Variants in ZNF783 observed in about 807,000 individuals in gnomAD.
ZNF783 encodes protein ZNF783.
ZNF783 carries 25 observed loss-of-function variants against 31.3 expected under a neutral mutation model. The observed-to-expected ratio is 0.80, with a 90% CI of 0.58 to 1.11. The LOEUF (loss-of-function observed/expected upper bound fraction) is 1.11, where lower values mean the gene tolerates loss of function less well. Among genes scored for constraint, ZNF783 ranks in the 50% most tolerant of loss-of-function variants. The pLI is 0.00. For missense variants in ZNF783, 797 were observed against 760.0 expected (o/e 1.05, Z -0.57); for synonymous variants, 369 against 319.1 (o/e 1.16, Z -1.66).
intron 5 of ZNF783, among the ~76,000 whole-genome samples, chr7:149,280,820 C>T (rs1267739732): frequency 1.3e-5 from 2 of 152,354 alleles, no homozygotes; most frequent in Admixed American, 1.3e-4. Context: ...CAGCACATTG[C>T]TGTGATCACC....
chr7:149,271,783 T>C lies in ZNF783; in HGVS notation c.673+4561T>C, dbSNP rs192533244. Reference sequence around the variant, plus strand: ...TGTTTCAATAACACAGAGATATATTTGTATTCCCACCCCTGTCTTATTCAG... The same window carrying C: ...TGTTTCAATAACACAGAGATATATTCGTATTCCCACCCCTGTCTTATTCAG... On this transcript the variant is annotated intron_variant, in intron 4 of 5. Transcript: ENST00000434415. Among the ~76,000 whole-genome samples, 93 of 152,354 alleles carry C rather than the reference T, an allele frequency of 6.1e-4. 1 individual carries two copies. Among genetic ancestry groups the C allele is most frequent in the African/African-American group, 2.2e-3 (93 of 41,580 alleles).
chr7:149,278,263 C>T, intron 4 of ZNF783, 136 bp from the exon 5 acceptor site: 3 of 1,458,210 alleles, frequency 2.1e-6, no homozygotes, highest in Non-Finnish European at 2.7e-6. Flanking sequence ...TTGGTGGGGT[C>T]CACCTCACTA....
rs1292989946 is a variant in ZNF783 at position 149,263,290 on chromosome 7, GTGTGTGTGTGTGTGTATATA to G, written c.24+935_24+954del. Among the ~76,000 whole-genome samples, 266 of 85,100 alleles carry G rather than the reference GTGTGTGTGTGTGTGTATATA, an allele frequency of 3.1e-3. 3 individuals carry two copies. Among genetic ancestry groups the G allele is most frequent in the South Asian group, 0.018 (43 of 2,328 alleles). The allele number at this position is 85,100 out of a possible 152,430, so 55.8% of individuals were successfully genotyped here. On this transcript the variant is annotated intron_variant, in intron 1 of 5. Transcript: ENST00000434415. ...CGTGTGTGTGTGTGTGTGTGTGTGTGTGTGTGTGTGTGTGTATATATATATATATATATATTTTTTTTTTA... is the reference window on the plus strand; with the variant it reads ...CGTGTGTGTGTGTGTGTGTGTGTGTGTATATATATATATATTTTTTTTTTA...
At position 149,282,199 on chromosome 7, in the gene ZNF783, T is replaced by A; in HGVS notation, c.1497T>A (p.Cys499Ter). The A allele has an allele frequency of 6.3e-7, 1 of 1,599,888 alleles. No individual in the cohort carries two copies. ...TGERPYQCPQCGRTFNRNHHL... is the reference protein window; with the variant it reads ...TGERPYQCPQ ...AGCGGCCCTACCAGTGCCCCCAGTG[T>A]GGCCGGACCTTCAACCGCAACCACC... The change falls in exon 6 of 6, where the codon TGT (cysteine) becomes TGA (stop). Residue 499 changes from cysteine to a stop codon, truncating the protein, a stop_gained. Transcript: ENST00000434415. LOFTEE classifies it low-confidence loss of function (END_TRUNC).
At chr7:149,270,565 T>G (rs1173451310) in intron 4 of ZNF783, among the ~76,000 whole-genome samples, 1 of 152,242 alleles carries the variant, frequency 6.6e-6, no homozygotes, top group Non-Finnish European at 1.5e-5. Context: ...TAAGTTATTG[T>G]GACTTCACAG....
Position 149,266,846 on chromosome 7 carries a change from G to T in ZNF783, c.448G>T (p.Val150Leu). 1.2e-6 allele frequency: 2 copies of T among 1,614,064 alleles called. No individual in the cohort carries two copies. The highest frequency in any genetic ancestry group is 1.6e-4 in the Middle Eastern group (1 of 6,062). The change falls in exon 3 of 6, where the codon GTG (valine) becomes TTG (leucine). Residue 150 changes from valine (V) to leucine (L), a missense_variant. By Grantham distance (32) the Val-to-Leu change is conservative (BLOSUM62 1). Transcript: ENST00000434415. Reference protein sequence around the residue: ...KVPVTFDDVAVYFSELEWGKL... With the variant: ...KVPVTFDDVALYFSELEWGKL... ...GCCCGTGACCTTCGATGATGTGGCCGTGTATTTCTCTGAGCTGGAGTGGGG... is the reference window on the plus strand; with the variant it reads ...GCCCGTGACCTTCGATGATGTGGCCTTGTATTTCTCTGAGCTGGAGTGGGG...
intron 1 of ZNF783, among the ~76,000 whole-genome samples, chr7:149,263,265 CGTGTGTGT>C (rs56067256): frequency 0.044 from 5,314 of 121,282 alleles, 242 homozygotes; most frequent in African/African-American, 0.13. Flanking sequence ...TATATATATA[CGTGTGTGT>C]GTGTGTGTGT....
intron 1 of ZNF783, among the ~76,000 whole-genome samples, chr7:149,265,004 G>A (rs1307798059): frequency 2.0e-5 from 3 of 151,988 alleles, no homozygotes; most frequent in Non-Finnish European, 4.4e-5. Context: ...TGGAAGTGGG[G>A]GAGAAGGCTG....
In ZNF783 at chr7:149,282,198, G is replaced by A; in HGVS notation, c.1496G>A (p.Cys499Tyr). The A allele has an allele frequency of 6.2e-7, 1 of 1,600,154 alleles. No individual in the cohort carries two copies. Among genetic ancestry groups the A allele is most frequent in the East Asian group, 2.2e-5 (1 of 44,858 alleles). The change falls in exon 6 of 6, where the codon TGT (cysteine) becomes TAT (tyrosine). Residue 499 changes from cysteine (C) to tyrosine (Y), a missense_variant. Transcript: ENST00000434415. ...GAGCGGCCCTACCAGTGCCCCCAGTGTGGCCGGACCTTCAACCGCAACCAC... is the reference window on the plus strand; with the variant it reads ...GAGCGGCCCTACCAGTGCCCCCAGTATGGCCGGACCTTCAACCGCAACCAC... Reference protein sequence around the residue: ...TGERPYQCPQCGRTFNRNHHL... With the variant: ...TGERPYQCPQYGRTFNRNHHL...
chr7:149,264,944 AGGGGAGAAGGCTGGAAGTG>A (rs747274280), intron 1 of ZNF783, among the ~76,000 whole-genome samples: 7,705 of 116,168 alleles, frequency 0.066, 617 homozygotes, highest in East Asian at 0.27. Context: ...GCCTGGAAGT[AGGGGAGAAGGCTGGAAGTG>A]GGGGAGAAGG....
chr7:149,281,241 C>T (rs1224011432), intron 5 of ZNF783, among the ~76,000 whole-genome samples: 2 of 152,228 alleles, frequency 1.3e-5, no homozygotes, highest in Non-Finnish European at 2.9e-5. Flanking sequence ...CTCCCTGGCT[C>T]CTGGCCTTGC....
chr7:149,267,830 C>T (rs1403933599), intron 4 of ZNF783, among the ~76,000 whole-genome samples: 1 of 152,118 alleles, frequency 6.6e-6, no homozygotes, highest in Admixed American at 6.5e-5. Flanking sequence ...GTAATACCTC[C>T]ACCAGCAGCA....
chr7:149,281,834 G>A lies in ZNF783; in HGVS notation c.1132G>A (p.Glu378Lys). Residue 378 changes from glutamate (E) to lysine (K), a missense_variant, in exon 6 of 6, where the codon GAG becomes AAG. By Grantham distance (56) the Glu-to-Lys change is moderately conservative (BLOSUM62 1). Transcript: ENST00000434415. Reference sequence around the variant, plus strand: ...GACCCATGTGGAGGAGGGGCGGCAGGAGGCCCCCGGCCGCTCGCCCACCAG... The same window carrying A: ...GACCCATGTGGAGGAGGGGCGGCAGAAGGCCCCCGGCCGCTCGCCCACCAG... The part of the protein sequence containing the change: ...QRTHVEEGRQ[E>K]APGRSPTSCG... The A allele has an allele frequency of 6.7e-7, 1 of 1,501,026 alleles. No homozygotes were observed. The highest frequency in any genetic ancestry group is 8.8e-7 in the Non-Finnish European group (1 of 1,135,470). The allele number at this position is 1,501,026 out of a possible 1,614,324, so 93.0% of individuals were successfully genotyped here.
chr7:149,262,443 C>A, intron 1 of ZNF783, 86 bp downstream of exon 1: 3 of 1,115,864 alleles, frequency 2.7e-6, no homozygotes, highest in Non-Finnish European at 2.2e-6. Context: ...CGCGCGAGGC[C>A]GCGGGGTGAG....
Position 149,266,455 on chromosome 7 carries a change from G to A in ZNF783, c.145G>A (p.Ala49Thr), listed in dbSNP as rs555295133. 30 of 1,608,040 alleles carry A rather than the reference G, an allele frequency of 1.9e-5. No individual in the cohort carries two copies. Among genetic ancestry groups the A allele is most frequent in the African/African-American group, 1.5e-4 (11 of 75,032 alleles). ...AATCACACTGTGGACGGTGGTGGCCGCCATTCAGGCCTTGGAGAAGAAGGT... is the reference window on the plus strand; with the variant it reads ...AATCACACTGTGGACGGTGGTGGCCACCATTCAGGCCTTGGAGAAGAAGGT... The part of the protein sequence containing the change: ...TEITLWTVVA[A>T]IQALEKKVDS... The change falls in exon 2 of 6, where the codon GCC (alanine) becomes ACC (threonine). Residue 49 changes from alanine (A) to threonine (T), a missense_variant. Coordinates refer to ENST00000434415, the MANE Select transcript of ZNF783 (RefSeq NM_001195220.2).
chr7:149,281,152 G>T (rs1036327158), intron 5 of ZNF783, among the ~76,000 whole-genome samples: 6 of 152,212 alleles, frequency 3.9e-5, no homozygotes, highest in East Asian at 1.9e-4. Flanking sequence ...ACTCTTGGGG[G>T]TGGGGTCCTG....
At chr7:149,278,604 A>G (rs1797388751) in intron 5 of ZNF783, 77 bp downstream of exon 5, 1 of 1,580,324 alleles carries the variant, frequency 6.3e-7, no homozygotes, top group Admixed American at 1.7e-5. Context: ...GGTGCTGAGG[A>G]AAAGCCCTGG....
At chr7:149,279,944 C>T (rs375113708) in intron 5 of ZNF783, among the ~76,000 whole-genome samples, 4 of 152,032 alleles carry the variant, frequency 2.6e-5, no homozygotes, top group East Asian at 1.9e-4. Context: ...TCCACAAAAC[C>T]GCCATTGTCA....
Position 149,262,297 on chromosome 7 carries a change from T to C in ZNF783, c.-37T>C. ...GCCGCCCCGGGCCCGACAGGCCGGG[T>C]CCAGGGACTGCAACCCAGCGAGGGA... On this transcript the variant is annotated 5_prime_UTR_variant, in exon 1 of 6. Coordinates refer to ENST00000434415, the MANE Select transcript of ZNF783 (RefSeq NM_001195220.2). 1 of 1,357,770 alleles carries C rather than the reference T, an allele frequency of 7.4e-7. No individual in the cohort carries two copies. The highest frequency in any genetic ancestry group is 9.5e-7 in the Non-Finnish European group (1 of 1,051,180). The allele number at this position is 1,357,770 out of a possible 1,614,324, so 84.1% of individuals were successfully genotyped here.
Sources: allele counts gnomAD v4.1 joint callset (sites outside exome capture counted in the v4.1 genomes callset), GRCh38; gene constraint gnomAD v4.1.1; transcripts MANE v1.5; gene names NCBI Gene and HGNC (gene_info 2026-07-23, HGNC 2026-07-21).